Variants in PRKD1 observed in about 807,000 individuals in gnomAD.
PRKD1 encodes the protein protein kinase D1.
Under a neutral mutation model 95.9 loss-of-function variants are expected in PRKD1, and 63 were observed. The observed-to-expected ratio is 0.66, with a 90% confidence interval of 0.54 to 0.81. The LOEUF is 0.81. PRKD1 is among the 30% of genes least tolerant of loss of function. The pLI, the probability that PRKD1 is intolerant of heterozygous loss-of-function variation, is 0.00. For missense variants in PRKD1, 1,048 were observed against 1,165.3 expected (o/e 0.90, Z 1.47); for synonymous variants, 425 against 423.1 (o/e 1.00, Z -0.05).
At chr14:29,849,683 C>T (rs936709759) in intron 1 of PRKD1, among the ~76,000 whole-genome samples, 1 of 151,810 alleles carries the variant, frequency 6.6e-6, no homozygotes, top group Non-Finnish European at 1.5e-5. Flanking sequence ...GAAACTATTC[C>T]CCAAAATAGA....
intron 1 of PRKD1, among the ~76,000 whole-genome samples, chr14:29,785,571 T>C (rs924567120): frequency 2.0e-5 from 3 of 151,914 alleles, no homozygotes; most frequent in Admixed American, 6.6e-5. Flanking sequence ...TCTTGACTGA[T>C]TGTTCCGAAT....
chr14:29,769,344 T>TAG (rs1371531907), intron 1 of PRKD1, among the ~76,000 whole-genome samples: 1 of 151,974 alleles, frequency 6.6e-6, no homozygotes, highest in African/African-American at 2.4e-5. Context: ...TGAGGGGGGA[T>TAG]GACTGTTCAA....
intron 1 of PRKD1, among the ~76,000 whole-genome samples, chr14:29,848,248 G>C (rs1486521131): frequency 6.6e-6 from 1 of 151,914 alleles, no homozygotes; most frequent in African/African-American, 2.4e-5. Flanking sequence ...TGCTGCTTCT[G>C]ATCAAAAAGA....
chr14:29,833,672 A>C (rs1486555594), intron 1 of PRKD1, among the ~76,000 whole-genome samples: 1 of 152,048 alleles, frequency 6.6e-6, no homozygotes, highest in Admixed American at 6.6e-5. Context: ...CAGTATAAGA[A>C]TATTTATAAT....
chr14:29,756,554 G>T (rs534368705), intron 1 of PRKD1, among the ~76,000 whole-genome samples: 1 of 152,270 alleles, frequency 6.6e-6, no homozygotes, highest in East Asian at 1.9e-4. Flanking sequence ...AAAGTAAAAA[G>T]CAAGACAAAA....
chr14:29,850,379 AC>A (rs57394827), intron 1 of PRKD1, among the ~76,000 whole-genome samples: 18,852 of 152,066 alleles, frequency 0.12, 1,364 homozygotes, highest in East Asian at 0.25. Context: ...AAATCAATAT[AC>A]AAAAATCAGT....
intron 13 of PRKD1, 110 bp downstream of exon 13, chr14:29,624,042 T>C: frequency 1.4e-6 from 1 of 693,844 alleles, no homozygotes; most frequent in Non-Finnish European, 2.4e-6. Flanking sequence ...TATTTTAAAG[T>C]GTTCCAAAAT....
intron 2 of PRKD1, among the ~76,000 whole-genome samples, chr14:29,716,134 G>C (rs1885596700): frequency 6.6e-6 from 1 of 152,098 alleles, no homozygotes; most frequent in African/African-American, 2.4e-5. Context: ...TTGCCCTCGT[G>C]TTCTTTTCCT....
chr14:29,727,792 C>T (rs9671715), intron 1 of PRKD1, among the ~76,000 whole-genome samples: 2 of 151,158 alleles, frequency 1.3e-5, no homozygotes, highest in African/African-American at 4.9e-5. Context: ...TGGATTAAGA[C>T]AATGTGGCAC....
chr14:29,587,181 C>T (rs1892965458), intron 16 of PRKD1, among the ~76,000 whole-genome samples: 1 of 152,072 alleles, frequency 6.6e-6, no homozygotes, highest in Non-Finnish European at 1.5e-5. Flanking sequence ...TTTTTGTTCA[C>T]TGTTTTGGGG....
At chr14:29,758,724 T>C (rs1274901603) in intron 1 of PRKD1, among the ~76,000 whole-genome samples, 1 of 152,206 alleles carries the variant, frequency 6.6e-6, no homozygotes, top group African/African-American at 2.4e-5. Flanking sequence ...TTCACATAAT[T>C]GCTGATTTGT....
At chr14:29,833,407 C>A (rs1192639424) in intron 1 of PRKD1, among the ~76,000 whole-genome samples, 1 of 152,022 alleles carries the variant, frequency 6.6e-6, no homozygotes, top group Non-Finnish European at 1.5e-5. Context: ...ACAGTCTATT[C>A]TTAAAAGACA....
intron 8 of PRKD1, 115 bp downstream of exon 8, chr14:29,634,303 C>T (rs1880218845): frequency 6.8e-7 from 1 of 1,479,466 alleles, no homozygotes. Context: ...CGTGTCATGC[C>T]TGTGCTGAGG....
chr14:29,593,468 T>A (rs183113132), intron 16 of PRKD1, among the ~76,000 whole-genome samples: 1,571 of 152,264 alleles, frequency 0.01, 9 homozygotes, highest in Non-Finnish European at 0.014. Context: ...AGAGCCAGGC[T>A]CCTGGGGCTG....
intron 1 of PRKD1, among the ~76,000 whole-genome samples, chr14:29,730,689 C>A (rs2139407845): frequency 6.6e-6 from 1 of 152,174 alleles, no homozygotes; most frequent in Non-Finnish European, 1.5e-5. Flanking sequence ...GAATACCACT[C>A]AACCTTAGAA....
chr14:29,691,172 C>T (rs1025634176), intron 2 of PRKD1, among the ~76,000 whole-genome samples: 1 of 152,152 alleles, frequency 6.6e-6, no homozygotes, highest in African/African-American at 2.4e-5. Context: ...ACAATTCTAC[C>T]GGGGTCTTTC....
At chr14:29,734,535 G>A (rs1886626492) in intron 1 of PRKD1, among the ~76,000 whole-genome samples, 1 of 151,910 alleles carries the variant, frequency 6.6e-6, no homozygotes. Context: ...TTTGTTCTGG[G>A]GATAGTTCAT....
At chr14:29,815,096 C>G (rs1435253000) in intron 1 of PRKD1, among the ~76,000 whole-genome samples, 8 of 152,144 alleles carry the variant, frequency 5.3e-5, no homozygotes. Context: ...AGGTTTCTCA[C>G]TGACTTTAAC....
chr14:29,678,035 C>T (rs1470901158), intron 2 of PRKD1, among the ~76,000 whole-genome samples: 2 of 152,126 alleles, frequency 1.3e-5, no homozygotes, highest in Non-Finnish European at 2.9e-5. Flanking sequence ...AATTATAAAA[C>T]TCATGATAGA....
Sources: allele counts gnomAD v4.1 joint callset (sites outside exome capture counted in the v4.1 genomes callset), GRCh38; gene constraint gnomAD v4.1.1; transcripts MANE v1.5; gene names NCBI Gene and HGNC (gene_info 2026-07-23, HGNC 2026-07-21).